EVC2: variants seen among roughly 807,000 people sequenced by gnomAD.
EVC2 encodes the protein EvC ciliary complex subunit 2.
A neutral mutation model predicts 149.3 loss-of-function variants in EVC2; 148 were observed. The ratio of observed to expected loss-of-function variants is 0.99; its 90% CI spans 0.87 to 1.14. The LOEUF (loss-of-function observed/expected upper bound fraction) is 1.14. Among genes scored for constraint, EVC2 ranks in the 50% most tolerant of loss-of-function variants. The pLI, the probability that EVC2 is intolerant of heterozygous loss-of-function variation, is 0.00. For missense variants in EVC2, 1,854 were observed against 1,627.3 expected, an observed-to-expected ratio of 1.14 and a Z score of -2.40; for synonymous variants, 776 against 649.9, an observed-to-expected ratio of 1.19 and a Z score of -2.95.
chr4:5,591,639 A>G (rs1222977886), intron 16 of EVC2, among the ~76,000 whole-genome samples: 3 of 152,214 alleles, frequency 2.0e-5, no homozygotes, highest in Non-Finnish European at 4.4e-5. Flanking sequence ...AACAACATGG[A>G]CAGTGAAATT....
intron 21 of EVC2, among the ~76,000 whole-genome samples, chr4:5,550,731 T>G (rs1468067574): frequency 6.6e-6 from 1 of 152,218 alleles, no homozygotes; most frequent in East Asian, 1.9e-4. Context: ...GTCAGAAGTC[T>G]TCACAGCAGC....
downstream of EVC2, among the ~76,000 whole-genome samples, chr4:5,560,677 AAATAT>A (rs2108763508): frequency 6.6e-6 from 1 of 152,312 alleles, no homozygotes; most frequent in South Asian, 2.1e-4. The surrounding 1 kb of genome is among the most constrained non-coding windows in gnomAD (Gnocchi z 4.1). Flanking sequence ...AAAGATGTTA[AAATAT>A]AATAAAATAA....
downstream of EVC2, among the ~76,000 whole-genome samples, chr4:5,561,859 A>AT (rs1721972673): frequency 6.6e-6 from 1 of 152,058 alleles, no homozygotes; most frequent in South Asian, 2.1e-4. Context: ...CAGATGTTTG[A>AT]TTTTTTATCA....
At chr4:5,641,344 G>A (rs150503073) in intron 9 of EVC2, among the ~76,000 whole-genome samples, 8 of 152,196 alleles carry the variant, frequency 5.3e-5, no homozygotes, top group African/African-American at 1.4e-4. Context: ...CTGTATCAAC[G>A]TTGATTTGTT....
chr4:5,626,709 G>T (rs187532138), intron 12 of EVC2, among the ~76,000 whole-genome samples: 235 of 152,254 alleles, frequency 1.5e-3, no homozygotes, highest in African/African-American at 5.4e-3. Flanking sequence ...ACTCAGTAAA[G>T]CAGACGGCCC....
At chr4:5,708,610 C>G, upstream of EVC2, 1 of 894,902 alleles carries the variant, frequency 1.1e-6, no homozygotes, top group Non-Finnish European at 1.5e-6. Flanking sequence ...ATGCTCAGTG[C>G]GAGCCGCCGC....
chr4:5,592,861 G>A (rs1298784917), intron 16 of EVC2, among the ~76,000 whole-genome samples: 1 of 152,216 alleles, frequency 6.6e-6, no homozygotes, highest in Non-Finnish European at 1.5e-5. Flanking sequence ...GAGAAGGGAT[G>A]TGATATGGTT....
chr4:5,533,594 C>A, the EVC2 span, among the ~76,000 whole-genome samples: 4 of 152,330 alleles, frequency 2.6e-5, no homozygotes, highest in South Asian at 2.1e-4. Flanking sequence ...GCTTGTCTCA[C>A]GCCCTGCAGC....
chr4:5,703,757 T>C (rs73067765), intron 1 of EVC2, among the ~76,000 whole-genome samples: 3,449 of 152,280 alleles, frequency 0.023, 100 homozygotes, highest in African/African-American at 0.075. Flanking sequence ...GTATACTATA[T>C]ATATTATACA....
At position 5,632,003 on chromosome 4, in the gene EVC2, C is replaced by T; in HGVS notation, c.1500G>A (p.Arg500=). 1 of 1,614,170 alleles carries T rather than the reference C, an allele frequency of 6.2e-7. No individual in the cohort carries two copies. Among genetic ancestry groups the T allele is most frequent in the East Asian group, 2.2e-5 (1 of 44,872 alleles). Reference sequence around the variant, plus strand: ...GCTCCTGTTCCAGGCCATGGAGGGTCCGCAGAAGGTTGCTGCACTCTACAG... The same window carrying T: ...GCTCCTGTTCCAGGCCATGGAGGGTTCGCAGAAGGTTGCTGCACTCTACAG... ...RSAVECSNLL[R]TLHGLEQEHL... The change falls in exon 11 of 22, where the codon CGG becomes CGA. Residue 500 remains arginine, a synonymous_variant. Coordinates refer to ENST00000344408, the MANE Select transcript of EVC2 (RefSeq NM_147127.5).
chr4:5,612,680 TG>T (rs1470329360), intron 16 of EVC2, among the ~76,000 whole-genome samples: 1 of 152,048 alleles, frequency 6.6e-6, no homozygotes, highest in African/African-American at 2.4e-5. Flanking sequence ...CCCAGCACTT[TG>T]GGAGGCCGAG....
Position 5,637,117 on chromosome 4 carries a change from G to A in EVC2, c.1470+3397C>T, listed in dbSNP as rs1362334108. ...GAGCAGGGTCAGGAAGCCCTGAGGA[G>A]GAGAGGGACTGCGTGACAGATGGGA... On this transcript the variant is annotated intron_variant, in intron 10 of 21. Transcript: ENST00000344408. This position sits in a 1 kb window ranked among gnomAD's most constrained non-coding sequence, Gnocchi z 4.4. 6.6e-6 allele frequency among the ~76,000 whole-genome samples: 1 copy of A among 152,184 alleles called. No individual in the cohort carries two copies. Among genetic ancestry groups the A allele is most frequent in the African/African-American group, 2.4e-5 (1 of 41,436 alleles).
At position 5,640,434 on chromosome 4, in the gene EVC2, A is replaced by G. The variant is rs751841; in HGVS notation, c.1470+80T>C. 928,232 of 1,541,158 alleles carry G rather than the reference A, an allele frequency of 0.6. 281,235 individuals carry two copies. Among genetic ancestry groups the G allele is most frequent in the African/African-American group, 0.64 (46,611 of 73,038 alleles). On this transcript the variant is annotated intron_variant, in intron 10 of 21. Transcript: ENST00000344408. This position sits in a 1 kb window ranked among gnomAD's most constrained non-coding sequence, Gnocchi z 4.6. ...GTAGACGGATGGAGGAGGCAAATGG[A>G]CAGATGAGTGGGTAGATGGATAAAT...
In EVC2 at chr4:5,631,972, T is replaced by C; in HGVS notation, c.1531A>G (p.Arg511Gly). The change falls in exon 11 of 22, where the codon AGG becomes GGG. Residue 511 changes from arginine (R) to glycine (G), a missense_variant. Coordinates refer to ENST00000344408, the MANE Select transcript of EVC2 (RefSeq NM_147127.5). ...TLHGLEQEHL[R>G]KSLALQQEED... is the part of the protein sequence containing the mutation. ...TCTTGTTGCAAAGCGAGAGACTTCC[T>C]CAAGTGCTCCTGTTCCAGGCCATGG... 4 of 1,614,228 alleles carry C rather than the reference T, an allele frequency of 2.5e-6. No individual in the cohort carries two copies. The highest frequency in any genetic ancestry group is 3.4e-6 in the Non-Finnish European group (4 of 1,180,056).
the EVC2 span, among the ~76,000 whole-genome samples, chr4:5,532,422 G>A: frequency 5.9e-5 from 9 of 152,144 alleles, no homozygotes; most frequent in Non-Finnish European, 8.8e-5. Context: ...CCATATCTCT[G>A]GGCACTATGG....
chr4:5,629,431 T>C (rs1270110041), intron 11 of EVC2, among the ~76,000 whole-genome samples: 13 of 152,200 alleles, frequency 8.5e-5, no homozygotes, highest in Admixed American at 7.9e-4. Flanking sequence ...ACCTGTGCTC[T>C]AACATCATAA....
Position 5,679,388 on chromosome 4 carries a change from A to G in EVC2, c.870+1872T>C. 6.6e-6 allele frequency among the ~76,000 whole-genome samples: 1 copy of G among 151,990 alleles called. No homozygotes were observed. Among genetic ancestry groups the G allele is most frequent in the Non-Finnish European group, 1.5e-5 (1 of 68,006 alleles). On this transcript the variant is annotated intron_variant, in intron 7 of 21. Transcript: ENST00000344408. This position sits in a 1 kb window ranked among gnomAD's most constrained non-coding sequence, Gnocchi z 5.1. ...GTAGCTGGAATCACAGACACGCACC[A>G]CCATGCTCAGCTAATTTTTTTTGTA...
chr4:5,645,753 T>C (rs1390686602), intron 9 of EVC2, among the ~76,000 whole-genome samples: 2 of 152,206 alleles, frequency 1.3e-5, no homozygotes, highest in African/African-American at 2.4e-5. Context: ...GACAGAATGA[T>C]TTATAGTCCT....
chr4:5,599,656 G>A (rs1413758756), intron 16 of EVC2, among the ~76,000 whole-genome samples: 2 of 152,038 alleles, frequency 1.3e-5, no homozygotes, highest in Non-Finnish European at 2.9e-5. Context: ...CACCAGCATG[G>A]CACATGTATA....
Sources: allele counts gnomAD v4.1 joint callset (sites outside exome capture counted in the v4.1 genomes callset), GRCh38; gene constraint gnomAD v4.1.1; non-coding constraint Gnocchi (gnomAD v3.1); transcripts MANE v1.5; gene names NCBI Gene and HGNC (gene_info 2026-07-23, HGNC 2026-07-21).